Variants in MYO16 observed in about 807,000 individuals in gnomAD.
MYO16 encodes myosin XVI, also known as unconventional myosin-XVI.
In MYO16, 94 loss-of-function variants were observed where a neutral mutation model predicts 205.3. The observed-to-expected ratio is 0.46, with a 90% CI of 0.39 to 0.54. The LOEUF (loss-of-function observed/expected upper bound fraction) is 0.54. Ranked by LOEUF, MYO16 falls within the 20% of genes least tolerant of loss-of-function variation. MYO16 has a pLI of 0.00. For synonymous variants in MYO16, 988 were observed against 954.0 expected, an observed-to-expected ratio of 1.04 and a Z score of -0.66; for missense variants, 2,315 against 2,387.5, an observed-to-expected ratio of 0.97 and a Z score of 0.63.
chr13:108,987,570 G>A (rs1025239272), intron 20 of MYO16, among the ~76,000 whole-genome samples: 1 of 152,214 alleles, frequency 6.6e-6, no homozygotes, highest in African/African-American at 2.4e-5. Flanking sequence ...GCATCTCCAG[G>A]GACTTTCTGG....
chr13:108,925,835 C>A (rs1486878469), intron 16 of MYO16, among the ~76,000 whole-genome samples: 1 of 152,212 alleles, frequency 6.6e-6, no homozygotes, highest in Non-Finnish European at 1.5e-5. Context: ...AAAAGTCATG[C>A]CCCACTGAGT....
intron 14 of MYO16, among the ~76,000 whole-genome samples, chr13:108,894,861 T>C (rs1327805967): frequency 6.6e-6 from 1 of 152,290 alleles, no homozygotes; most frequent in East Asian, 1.9e-4. Flanking sequence ...ACCCCTGCAT[T>C]TGAATTTCAA....
chr13:109,006,369 A>G (rs1312908662), intron 21 of MYO16, among the ~76,000 whole-genome samples: 1 of 152,062 alleles, frequency 6.6e-6, no homozygotes, highest in East Asian at 1.9e-4. Flanking sequence ...CCTCCTGAGT[A>G]GCTAGGACTA....
chr13:109,052,070 G>A (rs1031948315), intron 24 of MYO16, among the ~76,000 whole-genome samples: 49 of 152,054 alleles, frequency 3.2e-4, no homozygotes, highest in African/African-American at 1.2e-3. Context: ...GGCCCAGTTG[G>A]GATCAAGACT....
At chr13:109,184,410 T>C (rs1224030313) in intron 34 of MYO16, among the ~76,000 whole-genome samples, 1 of 152,058 alleles carries the variant, frequency 6.6e-6, no homozygotes, top group Non-Finnish European at 1.5e-5. Flanking sequence ...ATTTAGAAAA[T>C]AAAAAACAAA....
intron 2 of MYO16, among the ~76,000 whole-genome samples, chr13:108,705,311 A>G (rs1255530796): frequency 1.3e-5 from 2 of 152,160 alleles, no homozygotes; most frequent in East Asian, 3.9e-4. Context: ...GTGATCCGGG[A>G]TCACCTGGAA....
chr13:108,527,598 T>C, the MYO16 span, among the ~76,000 whole-genome samples: 9 of 152,234 alleles, frequency 5.9e-5, no homozygotes, highest in African/African-American at 1.7e-4. Context: ...AGGATTCCTG[T>C]AGCTGCTCAA....
At chr13:108,862,656 A>C (rs1179756105) in intron 11 of MYO16, among the ~76,000 whole-genome samples, 2 of 152,188 alleles carry the variant, frequency 1.3e-5, no homozygotes, top group African/African-American at 4.8e-5. Context: ...TGACAAATAG[A>C]AAGTCCCCTA....
intron 4 of MYO16, among the ~76,000 whole-genome samples, chr13:108,753,135 C>T (rs1415970240): frequency 2.7e-5 from 4 of 150,314 alleles, no homozygotes; most frequent in Non-Finnish European, 5.9e-5. Context: ...TTTGGGAGGC[C>T]GAGGTGGGTG....
At chr13:108,848,849 C>G (rs1877660832) in intron 10 of MYO16, among the ~76,000 whole-genome samples, 1 of 152,144 alleles carries the variant, frequency 6.6e-6, no homozygotes, top group Non-Finnish European at 1.5e-5. Flanking sequence ...TCTAGAATCA[C>G]AAATGTTTCT....
intron 23 of MYO16, among the ~76,000 whole-genome samples, chr13:109,026,367 C>T (rs535047647): frequency 4.6e-5 from 7 of 152,072 alleles, no homozygotes; most frequent in African/African-American, 1.7e-4. Flanking sequence ...GGCCATGTGA[C>T]CACGGGGGGA....
intron 23 of MYO16, among the ~76,000 whole-genome samples, chr13:109,023,670 A>AATATATGT (rs1447498346): frequency 0.012 from 769 of 64,862 alleles, 22 homozygotes; most frequent in African/African-American, 0.036. Flanking sequence ...TATATATGCA[A>AATATATGT]ATATATGTAT....
At chr13:108,505,776 T>A in the MYO16 span, among the ~76,000 whole-genome samples, 2 of 152,192 alleles carry the variant, frequency 1.3e-5, no homozygotes, top group East Asian at 3.8e-4. Context: ...CATATGTTTT[T>A]TTCTAGATGT....
intron 10 of MYO16, among the ~76,000 whole-genome samples, chr13:108,847,812 T>C (rs1877598972): frequency 6.6e-6 from 1 of 152,184 alleles, no homozygotes; most frequent in Non-Finnish European, 1.5e-5. Context: ...CCTGGTTTCC[T>C]TTCCCATCCC....
intron 34 of MYO16, among the ~76,000 whole-genome samples, chr13:109,196,808 G>GC (rs887573713): frequency 1.3e-5 from 2 of 152,122 alleles, no homozygotes; most frequent in Non-Finnish European, 2.9e-5. Context: ...ACTGCAAGTG[G>GC]CCCCCAAACT....
intron 28 of MYO16, among the ~76,000 whole-genome samples, chr13:109,117,334 A>C (rs748507847): frequency 2.0e-5 from 3 of 151,026 alleles, no homozygotes; most frequent in Non-Finnish European, 4.4e-5. Flanking sequence ...ATATGTCCAT[A>C]TTCTTCAGGA....
At chr13:109,167,290 G>C (rs575100863) in intron 33 of MYO16, 1 of 152,198 alleles carries the variant, frequency 6.6e-6, no homozygotes, top group African/African-American at 2.4e-5. Flanking sequence ...GGCTGAACTA[G>C]CACATGGATG....
upstream of MYO16, among the ~76,000 whole-genome samples, chr13:108,627,912 T>C (rs1249795339): frequency 6.6e-6 from 1 of 152,174 alleles, no homozygotes; most frequent in East Asian, 1.9e-4. Context: ...ATACTATTTA[T>C]CCGGCATTGT....
intron 14 of MYO16, among the ~76,000 whole-genome samples, chr13:108,896,009 TTACA>T (rs1880396627): frequency 6.6e-6 from 1 of 152,162 alleles, no homozygotes; most frequent in Non-Finnish European, 1.5e-5. Context: ...CTCCTCAGCG[TTACA>T]TAATTTCTCA....
Sources: allele counts gnomAD v4.1 joint callset (sites outside exome capture counted in the v4.1 genomes callset), GRCh38; gene constraint gnomAD v4.1.1; transcripts MANE v1.5; gene names NCBI Gene and HGNC (gene_info 2026-07-23, HGNC 2026-07-21).